The following ABL1 variants were observed in gnomAD, a reference collection of about 807,000 sequenced individuals.
The protein encoded by ABL1 is tyrosine-protein kinase ABL1.
ABL1 carries 11 observed loss-of-function variants against 94.7 expected under a neutral mutation model. The observed-to-expected ratio is 0.12, with a 90% CI of 0.07 to 0.19. ABL1 has a LOEUF of 0.19. Ranked by LOEUF, ABL1 falls within the 10% of genes least tolerant of loss-of-function variation. The pLI, the probability that ABL1 is intolerant of heterozygous loss-of-function variation, is 1.00. For missense variants in ABL1, 1,082 were observed against 1,489.4 expected (o/e 0.73, Z 4.50); for synonymous variants, 656 against 622.4 (o/e 1.05, Z -0.80).
At chr9:130,735,216 G>A (rs547123941) in intron 1 of ABL1, among the ~76,000 whole-genome samples, 1 of 152,136 alleles carries the variant, frequency 6.6e-6, no homozygotes, top group East Asian at 1.9e-4. Context: ...TTTTAGTAGC[G>A]ATGGGGTTTC....
At chr9:130,824,036 T>C (rs1830396751) in intron 1 of ABL1, among the ~76,000 whole-genome samples, 1 of 152,202 alleles carries the variant, frequency 6.6e-6, no homozygotes, top group South Asian at 2.1e-4. Context: ...TATTGCCTAG[T>C]GTATTACAGT....
chr9:130,881,332 G>A (rs1208876061), intron 10 of ABL1, among the ~76,000 whole-genome samples: 3 of 152,172 alleles, frequency 2.0e-5, no homozygotes, highest in Non-Finnish European at 4.4e-5. Context: ...ATTGAGGGGT[G>A]TATTAGTCTG....
intron 1 of ABL1, among the ~76,000 whole-genome samples, chr9:130,838,102 T>C (rs1311096737): frequency 6.6e-6 from 1 of 152,262 alleles, no homozygotes; most frequent in Non-Finnish European, 1.5e-5. Context: ...GATATAGTTA[T>C]ATTTCATGAT....
intron 1 of ABL1, among the ~76,000 whole-genome samples, chr9:130,725,860 C>G (rs1161275718): frequency 1.4e-5 from 1 of 73,906 alleles, no homozygotes; most frequent in African/African-American, 4.3e-5. Flanking sequence ...TTGAGACAGT[C>G]TCACTCTGTC....
intron 1 of ABL1, among the ~76,000 whole-genome samples, chr9:130,732,647 G>T (rs1274783733): frequency 1.3e-5 from 2 of 152,270 alleles, no homozygotes; most frequent in Middle Eastern, 3.4e-3. Flanking sequence ...TACTGCTGTA[G>T]TGGGAATATT....
intron 1 of ABL1, among the ~76,000 whole-genome samples, chr9:130,802,593 C>T (rs984867750): frequency 1.3e-5 from 2 of 152,094 alleles, no homozygotes; most frequent in Admixed American, 1.3e-4. Flanking sequence ...AGATTTCCTA[C>T]TTCTTAGCTG....
In ABL1 at chr9:130,874,783, C is replaced by G; in HGVS notation, c.1086-85C>G. ...TTGGACTCAATCTTTCCATTGTCAG[C>G]ATTGCACCTTTGCTCAGCAGTGGTG... On this transcript the variant is annotated intron_variant, in intron 6 of 10. Coordinates refer to ENST00000318560, the MANE Select transcript of ABL1 (RefSeq NM_005157.6). 2.9e-6 allele frequency: 4 copies of G among 1,380,914 alleles called. No homozygotes were observed. The South Asian group carries it at 5.1e-5, about 18-fold the overall frequency. The allele number at this position is 1,380,914 out of a possible 1,614,324, so 85.5% of individuals were successfully genotyped here.
intron 8 of ABL1, among the ~76,000 whole-genome samples, 183 bp downstream of exon 8, chr9:130,878,750 C>T (rs373017686): frequency 1.2e-4 from 18 of 152,074 alleles, no homozygotes; most frequent in African/African-American, 3.6e-4. Flanking sequence ...ATAGTATGTG[C>T]GTGACTTGTC....
At chr9:130,714,380 C>T in exon 1 of ABL1, 2 of 1,613,984 alleles carry the variant, frequency 1.2e-6, no homozygotes, top group South Asian at 1.1e-5. Context: ...GCCTGCCCTG[C>T]ATTTTATCAA....
chr9:130,713,454 T>G (rs1008338775), exon 1 of ABL1, among the ~76,000 whole-genome samples: 1 of 151,828 alleles, frequency 6.6e-6, no homozygotes, highest in Non-Finnish European at 1.5e-5. Context: ...CGGAGTAAGC[T>G]GCCCGTGCCG....
rs186976475 is a variant in ABL1 at position 130,726,646 on chromosome 9, T to A, written c.136+12191T>A. Among the ~76,000 whole-genome samples the A allele has an allele frequency of 7.9e-3, 1,205 of 152,102 alleles. 7 individuals carry two copies. Among genetic ancestry groups the A allele is most frequent in the Non-Finnish European group, 0.011 (719 of 67,962 alleles). On this transcript the variant is annotated intron_variant, in intron 1 of 10. Transcript: ENST00000372348. Reference sequence around the variant, plus strand: ...ATTTTCTTTCTTTTACTTAAAAAAATTTTTTTTTGTAGAGATAGGGTCTTG... The same window carrying A: ...ATTTTCTTTCTTTTACTTAAAAAAAATTTTTTTTGTAGAGATAGGGTCTTG...
intron 6 of ABL1, among the ~76,000 whole-genome samples, chr9:130,873,458 G>A (rs1047945355): frequency 5.3e-5 from 8 of 152,194 alleles, no homozygotes; most frequent in Non-Finnish European, 8.8e-5. Context: ...TTGCTTTTAC[G>A]CAAACTCATG....
At chr9:130,772,764 C>A (rs1055714750) in intron 1 of ABL1, among the ~76,000 whole-genome samples, 2 of 152,184 alleles carry the variant, frequency 1.3e-5, no homozygotes, top group Non-Finnish European at 2.9e-5. Context: ...AGGTGAGGAT[C>A]CAACTGAATG....
At chr9:130,795,502 A>G (rs918853400) in intron 1 of ABL1, among the ~76,000 whole-genome samples, 3 of 152,188 alleles carry the variant, frequency 2.0e-5, no homozygotes, top group African/African-American at 7.2e-5. Flanking sequence ...CAGTTATGAT[A>G]TATTGATGAT....
chr9:130,738,030 C>T (rs1463045089), intron 1 of ABL1, among the ~76,000 whole-genome samples: 1 of 151,998 alleles, frequency 6.6e-6, no homozygotes, highest in Non-Finnish European at 1.5e-5. Context: ...TAGGGTTTCA[C>T]CATATTGGTT....
intron 1 of ABL1, among the ~76,000 whole-genome samples, chr9:130,851,123 A>G (rs936373669): frequency 2.0e-5 from 3 of 152,032 alleles, no homozygotes; most frequent in African/African-American, 7.2e-5. Flanking sequence ...ACGGGGCTTC[A>G]CCGTGTTAGT....
chr9:130,880,394 T>C lies in ABL1; in HGVS notation c.1514-106T>C, dbSNP rs1831430949. 6.6e-6 allele frequency: 9 copies of C among 1,370,320 alleles called. No individual in the cohort carries two copies. Among genetic ancestry groups the C allele is most frequent in the Non-Finnish European group, 9.1e-6 (9 of 992,108 alleles). The allele number at this position is 1,370,320 out of a possible 1,614,324, so 84.9% of individuals were successfully genotyped here. Reference sequence around the variant, plus strand: ...TCCACGTGCCTTTTCTTTAGTTGTATGCAGATGAGCACTGTTACCTTACAA... The same window carrying C: ...TCCACGTGCCTTTTCTTTAGTTGTACGCAGATGAGCACTGTTACCTTACAA... On this transcript the variant is annotated intron_variant, in intron 9 of 10. Transcript: ENST00000318560. The surrounding 1 kb of genome is among the most constrained non-coding windows in gnomAD (Gnocchi z 4.4).
intron 1 of ABL1, chr9:130,724,746 TTA>T (rs1831557550): frequency 3.4e-5 from 13 of 383,344 alleles, no homozygotes; most frequent in Non-Finnish European, 4.5e-5. Flanking sequence ...AACCCTGTCT[TTA>T]AAAAAAAAAA....
Position 130,799,849 on chromosome 9 carries a change from T to C in ABL1, c.137-54215T>C, listed in dbSNP as rs111726836. 8.2e-4 allele frequency among the ~76,000 whole-genome samples: 125 copies of C among 152,052 alleles called. 2 individuals are homozygous for C. The highest frequency in any genetic ancestry group is 2.7e-3 in the African/African-American group (112 of 41,478). On this transcript the variant is annotated intron_variant, in intron 1 of 10. Coordinates refer to the ABL1 transcript ENST00000372348. Reference sequence around the variant, plus strand: ...TGTGTTAGTCAAGAGAGGATACTTATTTATAAATTTTGGGATATTTATACT... The same window carrying C: ...TGTGTTAGTCAAGAGAGGATACTTACTTATAAATTTTGGGATATTTATACT...
Sources: allele counts gnomAD v4.1 joint callset (sites outside exome capture counted in the v4.1 genomes callset), GRCh38; gene constraint gnomAD v4.1.1; non-coding constraint Gnocchi (gnomAD v3.1); transcripts MANE v1.5; gene names NCBI Gene and HGNC (gene_info 2026-07-23, HGNC 2026-07-21).